ZDBF2: variants seen among roughly 807,000 people sequenced by gnomAD.
ZDBF2 encodes the protein DBF4-type zinc finger-containing protein 2.
A neutral mutation model predicts 9.4 loss-of-function variants in ZDBF2; 6 were observed. The observed-to-expected ratio is 0.64, with a 90% CI of 0.35 to 1.27. The LOEUF is 1.27. ZDBF2 is among the 50% of genes most tolerant of loss of function. ZDBF2 has a pLI of 0.03. For synonymous variants in ZDBF2, 905 were observed against 946.3 expected (o/e 0.96, Z 0.80); for missense variants, 2,697 against 2,766.8 (o/e 0.97, Z 0.57).
At position 206,309,486 on chromosome 2, in the gene ZDBF2, C is replaced by T. The variant is rs1418468917; in HGVS notation, c.4958C>T (p.Ser1653Leu). 6.2e-7 allele frequency: 1 copy of T among 1,613,806 alleles called. No homozygotes were observed. Among genetic ancestry groups the T allele is most frequent in the Non-Finnish European group, 8.5e-7 (1 of 1,179,862 alleles). The part of the protein sequence containing the change: ...PDEKMVKYID[S>L]EDKSCGYNGS... ...GAGAAAATGGTGAAATATATTGATT[C>T]AGAAGATAAGAGCTGTGGATATAAT... Residue 1653 changes from serine (S) to leucine (L), a missense_variant, in exon 5 of 5, where the codon TCA (serine) becomes TTA (leucine). Coordinates refer to ENST00000374423, the MANE Select transcript of ZDBF2 (RefSeq NM_020923.3).
chr2:206,284,035 TG>T lies in ZDBF2; in HGVS notation c.60+2128del, dbSNP rs555392523. Among the ~76,000 whole-genome samples the T allele has an allele frequency of 4.3e-3, 651 of 152,346 alleles. 3 individuals are homozygous for T. The highest frequency in any genetic ancestry group is 0.015 in the African/African-American group (628 of 41,576). On this transcript the variant is annotated intron_variant, in intron 3 of 4. Coordinates refer to ENST00000374423, the MANE Select transcript of ZDBF2 (RefSeq NM_020923.3). ...ATTTTGCTGTTTTGCTTATGTTTTTTGGTGTCAGAAGGGTTGCCTAATCTCA... is the reference window on the plus strand; with the variant it reads ...ATTTTGCTGTTTTGCTTATGTTTTTTGTGTCAGAAGGGTTGCCTAATCTCA...
chr2:206,309,846 G>T lies in ZDBF2; in HGVS notation c.5318G>T (p.Cys1773Phe), dbSNP rs778006737. Residue 1773 changes from cysteine (C) to phenylalanine (F), a missense_variant, in exon 5 of 5, where the codon TGT becomes TTT. This residue lies in a region of ZDBF2 where 1,783 missense variants were observed against 1,776.5 expected (regional missense o/e 1.00). Coordinates refer to ENST00000374423, the MANE Select transcript of ZDBF2 (RefSeq NM_020923.3). ...PQETVKKRHP[C>F]KKVSSDLKEK... Reference sequence around the variant, plus strand: ...GAAACTGTTAAGAAAAGACACCCTTGTAAGAAGGTATCTTCTGACTTGAAA... The same window carrying T: ...GAAACTGTTAAGAAAAGACACCCTTTTAAGAAGGTATCTTCTGACTTGAAA... The T allele has an allele frequency of 6.2e-7, 1 of 1,613,760 alleles. No homozygotes were observed. The highest frequency in any genetic ancestry group is 1.3e-5 in the African/African-American group (1 of 74,894).
chr2:206,275,371 C>A (rs1450908392), intron 1 of ZDBF2, among the ~76,000 whole-genome samples: 1 of 152,200 alleles, frequency 6.6e-6, no homozygotes, highest in Non-Finnish European at 1.5e-5. Context: ...CACCCCCTTC[C>A]CCCAGTGCCC....
intron 4 of ZDBF2, among the ~76,000 whole-genome samples, chr2:206,304,249 T>C (rs1316055731): frequency 1.3e-5 from 2 of 152,212 alleles, no homozygotes; most frequent in African/African-American, 2.4e-5. Context: ...AAGATAATAA[T>C]AGCTAACATT....
At position 206,307,952 on chromosome 2, in the gene ZDBF2, A is replaced by G. The variant is rs768629349; in HGVS notation, c.3424A>G (p.Asn1142Asp). 2 of 1,613,738 alleles carry G rather than the reference A, an allele frequency of 1.2e-6. No homozygotes were observed. Among genetic ancestry groups the G allele is most frequent in the Admixed American group, 3.3e-5 (2 of 59,962 alleles). Residue 1142 changes from asparagine to aspartate, a missense_variant, in exon 5 of 5, where the codon AAT (asparagine) becomes GAT (aspartate). Physicochemically the swap from Asn to Asp is conservative, Grantham distance 23. Transcript: ENST00000374423. ...KVAIKHVNLG[N>D]ENHMYLEVKN... is the part of the protein sequence containing the mutation. ...AGCTATTAAACATGTGAACCTTGGG[A>G]ATGAAAACCATATGTACTTGGAAGT...
rs1200953967 is a variant in ZDBF2 at position 206,307,919 on chromosome 2, C to A, written c.3391C>A (p.Pro1131Thr). ...DVSVQSVADQ[P>T]KVAIKHVNLG... is the part of the protein sequence containing the mutation. The stretch of plus-strand genomic sequence containing the variant: ...TTCTGTCCAATCTGTGGCTGATCAA[C>A]CCAAAGTAGCTATTAAACATGTGAA... Residue 1131 changes from proline to threonine, a missense_variant, in exon 5 of 5, where the codon CCC (proline) becomes ACC (threonine). Pro to Thr is a conservative substitution (Grantham distance 38). Transcript: ENST00000374423. 1.9e-6 allele frequency: 3 copies of A among 1,613,492 alleles called. No individual in the cohort carries two copies. In the African/African-American group the frequency reaches 4.0e-5, roughly 22 times the overall value.
chr2:206,283,937 A>AGGGTGGC (rs1691464911), intron 3 of ZDBF2, among the ~76,000 whole-genome samples: 1 of 152,210 alleles, frequency 6.6e-6, no homozygotes, highest in Non-Finnish European at 1.5e-5. Flanking sequence ...TTTTGGGATT[A>AGGGTGGC]CAGGTGTGAG....
chr2:206,307,902 A>C lies in ZDBF2; in HGVS notation c.3374A>C (p.Gln1125Pro), dbSNP rs755372844. The C allele has an allele frequency of 5.3e-5, 86 of 1,613,602 alleles. No homozygotes were observed. The highest frequency in any genetic ancestry group is 7.2e-5 in the Non-Finnish European group (85 of 1,179,774). Residue 1125 changes from glutamine to proline, a missense_variant, in exon 5 of 5, where the codon CAA becomes CCA. Transcript: ENST00000374423. ...ATACATCATCCTGATGTTTCTGTCC[A>C]ATCTGTGGCTGATCAACCCAAAGTA... ...KLIHHPDVSVQSVADQPKVAI... is the reference protein window; with the variant it reads ...KLIHHPDVSVPSVADQPKVAI...
chr2:206,284,741 G>A (rs1691512208), intron 3 of ZDBF2, among the ~76,000 whole-genome samples: 1 of 152,010 alleles, frequency 6.6e-6, no homozygotes, highest in African/African-American at 2.4e-5. Flanking sequence ...CTTTTTGTGT[G>A]TGTGTGAGAT....
chr2:206,306,574 A>G lies in ZDBF2; in HGVS notation c.2046A>G (p.Val682=), dbSNP rs2105955497. 1 of 1,613,706 alleles carries G rather than the reference A, an allele frequency of 6.2e-7. No individual in the cohort carries two copies. The highest frequency in any genetic ancestry group is 8.5e-7 in the Non-Finnish European group (1 of 1,179,772). ...ADAQLADQSQ[V]AEIERQKVDV... ...CTCAATTAGCTGACCAGTCTCAAGT[A>G]GCCGAAATAGAGCGTCAGAAAGTGG... Residue 682 remains valine, a synonymous_variant, in exon 5 of 5, where the codon GTA becomes GTG. Coordinates refer to ENST00000374423, the MANE Select transcript of ZDBF2 (RefSeq NM_020923.3).
At position 206,306,639 on chromosome 2, in the gene ZDBF2, C is replaced by G. The variant is rs1692817821; in HGVS notation, c.2111C>G (p.Ser704Cys). 6.2e-7 allele frequency: 1 copy of G among 1,613,766 alleles called. No individual in the cohort carries two copies. Among genetic ancestry groups the G allele is most frequent in the South Asian group, 1.1e-5 (1 of 91,076 alleles). The change falls in exon 5 of 5, where the codon TCT becomes TGT. Residue 704 changes from serine to cysteine, a missense_variant. Transcript: ENST00000374423. ...AATAAGAGTGTTCAGTCTAGCCGTT[C>G]TTCTCTGAGTTCTGATTCTCCGGCT... ...LENKSVQSSR[S>C]SLSSDSPASL...
rs753719141 is a variant in ZDBF2 at position 206,306,168 on chromosome 2, A to G, written c.1640A>G (p.Gln547Arg). 4 of 1,613,742 alleles carry G rather than the reference A, an allele frequency of 2.5e-6. No homozygotes were observed. The highest frequency in any genetic ancestry group is 2.5e-6 in the Non-Finnish European group (3 of 1,179,788). ...EVSADSVFPL[Q>R]SVVDRPPVAV... is the part of the protein sequence containing the mutation. ...AGTGCTGATTCTGTTTTCCCACTGC[A>G]GTCAGTGGTTGACAGACCCCCAGTG... Residue 547 changes from glutamine (Q) to arginine (R), a missense_variant, in exon 5 of 5, where the codon CAG becomes CGG. Transcript: ENST00000374423.
chr2:206,289,870 C>T (rs1369577076), intron 3 of ZDBF2, among the ~76,000 whole-genome samples: 2 of 152,026 alleles, frequency 1.3e-5, no homozygotes, highest in Admixed American at 6.6e-5. Context: ...TTCCTGGTTC[C>T]CAGCTGATCC....
chr2:206,289,031 G>A (rs930956328), intron 3 of ZDBF2, among the ~76,000 whole-genome samples: 2 of 152,114 alleles, frequency 1.3e-5, no homozygotes, highest in Admixed American at 6.5e-5. Context: ...TCAGACTCTA[G>A]GGGTCTAGTC....
At chr2:206,298,930 T>G (rs1222985507) in intron 4 of ZDBF2, among the ~76,000 whole-genome samples, 1 of 151,880 alleles carries the variant, frequency 6.6e-6, no homozygotes, top group Non-Finnish European at 1.5e-5. Flanking sequence ...GGCCAGGCTG[T>G]AGTGCTATGG....
At chr2:206,294,371 A>C (rs147120867) in intron 3 of ZDBF2, among the ~76,000 whole-genome samples, 51 of 152,372 alleles carry the variant, frequency 3.3e-4, no homozygotes, top group African/African-American at 1.1e-3. Context: ...CATCAATTCA[A>C]AAAATCTAAA....
Position 206,310,948 on chromosome 2 carries a change from T to G in ZDBF2, c.6420T>G (p.Leu2140=), listed in dbSNP as rs1211514472. ...CAAAGGTTCTGCATGCTCGTGAGCT[T>G]CCAAAGAAAAGAAATTTCCAGCTAA... The part of the protein sequence containing the change: ...EESKVLHARE[L]PKKRNFQLTF... Residue 2140 remains leucine (L), a synonymous_variant, in exon 5 of 5, where the codon CTT becomes CTG. Coordinates refer to ENST00000374423, the MANE Select transcript of ZDBF2 (RefSeq NM_020923.3). 3.1e-6 allele frequency: 5 copies of G among 1,613,688 alleles called. No individual in the cohort carries two copies. In the African/African-American group the frequency reaches 6.7e-5, roughly 22 times the overall value.
intron 4 of ZDBF2, among the ~76,000 whole-genome samples, chr2:206,300,237 A>G (rs9288375): frequency 0.012 from 1,859 of 152,356 alleles, 40 homozygotes; most frequent in African/African-American, 0.042. Flanking sequence ...GCTAATCTGT[A>G]GACCTTGTTT....
Position 206,306,661 on chromosome 2 carries a change from G to A in ZDBF2, c.2133G>A (p.Pro711=), listed in dbSNP as rs373918151. The change falls in exon 5 of 5, where the codon CCG becomes CCA. Residue 711 remains proline (P), a synonymous_variant. Transcript: ENST00000374423. ...GTTCTTCTCTGAGTTCTGATTCTCC[G>A]GCTTCTCTTTATCATTCAGCTCATG... ...SSRSSLSSDS[P]ASLYHSAHDE... The A allele has an allele frequency of 7.4e-5, 120 of 1,613,592 alleles. No individual in the cohort carries two copies. Among genetic ancestry groups the A allele is most frequent in the Non-Finnish European group, 9.2e-5 (109 of 1,179,794 alleles).
Sources: allele counts gnomAD v4.1 joint callset (sites outside exome capture counted in the v4.1 genomes callset), GRCh38; gene constraint gnomAD v4.1.1; regional missense constraint gnomAD v4.1.1; transcripts MANE v1.5; gene names NCBI Gene and HGNC (gene_info 2026-07-23, HGNC 2026-07-21).